The following SLC4A4 variants were observed in gnomAD, a reference collection of about 807,000 sequenced individuals.
The protein encoded by SLC4A4 is solute carrier family 4 member 4.
A neutral mutation model predicts 111.5 loss-of-function variants in SLC4A4; 27 were observed. The ratio of observed to expected loss-of-function variants is 0.24; its 90% CI spans 0.18 to 0.33. The LOEUF is 0.33. Among genes scored for constraint, SLC4A4 ranks in the 10% least tolerant of loss-of-function variants. The pLI is 1.00. For synonymous variants in SLC4A4, 443 were observed against 463.4 expected, an observed-to-expected ratio of 0.96 and a Z score of 0.57; for missense variants, 909 against 1,315.5, an observed-to-expected ratio of 0.69 and a Z score of 4.78.
intron 1 of SLC4A4, among the ~76,000 whole-genome samples, chr4:71,229,814 T>TG (rs1448376176): frequency 7.0e-6 from 1 of 143,386 alleles, no homozygotes; most frequent in Non-Finnish European, 1.5e-5. Context: ...CCTGCGAAGT[T>TG]TTTTTTTTTT....
intron 2 of SLC4A4, among the ~76,000 whole-genome samples, chr4:71,138,480 G>A (rs537004553): frequency 6.0e-4 from 92 of 152,286 alleles, no homozygotes; most frequent in South Asian, 1.2e-3. Flanking sequence ...AAGCCTTTCT[G>A]TCCTTCTTTT....
chr4:71,536,539 C>G (rs1359277681), intron 18 of SLC4A4, among the ~76,000 whole-genome samples: 3 of 142,392 alleles, frequency 2.1e-5, no homozygotes, highest in Non-Finnish European at 4.5e-5. Context: ...CTCTGTCACC[C>G]AGGCTGGAGT....
At position 71,556,623 on chromosome 4, in the gene SLC4A4, C is replaced by CTCTT. The variant is rs553695532; in HGVS notation, c.2764-1077_2764-1074dup. On this transcript the variant is annotated intron_variant, in intron 21 of 25. Transcript: ENST00000264485. The stretch of plus-strand genomic sequence containing the variant: ...AATGCTATTGCCCCTAATGGCTTTT[C>CTCTT]TCTTTCTTTCTTTCTCGATTCTCCC... Among the ~76,000 whole-genome samples the CTCTT allele has an allele frequency of 1.4e-3, 217 of 152,044 alleles. 6 individuals carry two copies. In the South Asian group the frequency reaches 0.044, roughly 30 times the overall value.
chr4:71,449,649 G>T (rs934355610), intron 9 of SLC4A4, among the ~76,000 whole-genome samples: 1 of 152,142 alleles, frequency 6.6e-6, no homozygotes, highest in Admixed American at 6.6e-5. Context: ...GAAGACTAAA[G>T]AATTTGACTT....
intron 18 of SLC4A4, among the ~76,000 whole-genome samples, chr4:71,541,375 T>G (rs555203152): frequency 2.4e-4 from 36 of 151,952 alleles, no homozygotes; most frequent in Non-Finnish European, 4.6e-4. Flanking sequence ...CTGGATGGTG[T>G]GAAGGAAGAA....
intron 16 of SLC4A4, among the ~76,000 whole-genome samples, chr4:71,520,333 A>G (rs909683556): frequency 4.7e-5 from 7 of 149,170 alleles, no homozygotes; most frequent in African/African-American, 1.8e-4. Context: ...AAACTACTTT[A>G]AAACACTTAG....
chr4:71,516,080 C>CTTT (rs60338885), intron 16 of SLC4A4, among the ~76,000 whole-genome samples: 4 of 30,612 alleles, frequency 1.3e-4, no homozygotes, highest in Admixed American at 6.1e-4. Context: ...TGGGGGATTT[C>CTTT]TTTTTTTTTT....
chr4:71,438,769 A>G (rs1331429082), intron 7 of SLC4A4, among the ~76,000 whole-genome samples: 2 of 152,194 alleles, frequency 1.3e-5, no homozygotes, highest in Admixed American at 6.5e-5. Flanking sequence ...AGTGAGGACT[A>G]TGAAAAACAA....
chr4:71,383,473 C>T (rs1008291655), intron 6 of SLC4A4, among the ~76,000 whole-genome samples: 14 of 152,260 alleles, frequency 9.2e-5, no homozygotes, highest in African/African-American at 3.4e-4. Flanking sequence ...GATTTCAACC[C>T]CCACCTCAGG....
At chr4:71,154,455 T>A (rs1338443778) in intron 2 of SLC4A4, among the ~76,000 whole-genome samples, 1 of 152,004 alleles carries the variant, frequency 6.6e-6, no homozygotes, top group Non-Finnish European at 1.5e-5. Flanking sequence ...CCATGATAAT[T>A]TTAGAGGAAG....
chr4:71,142,253 A>G (rs1744017143), intron 2 of SLC4A4, among the ~76,000 whole-genome samples: 2 of 152,244 alleles, frequency 1.3e-5, no homozygotes, highest in South Asian at 4.1e-4. Flanking sequence ...TTGCCTCATG[A>G]GTAGCCGCTT....
At chr4:71,163,314 T>G (rs1187632419) in intron 2 of SLC4A4, among the ~76,000 whole-genome samples, 1 of 152,182 alleles carries the variant, frequency 6.6e-6, no homozygotes, top group Non-Finnish European at 1.5e-5. Flanking sequence ...GTGCCCCAAA[T>G]CAGCCACATT....
At chr4:71,095,921 T>A (rs1742532635) in intron 2 of SLC4A4, among the ~76,000 whole-genome samples, 1 of 152,100 alleles carries the variant, frequency 6.6e-6, no homozygotes, top group African/African-American at 2.4e-5. Context: ...AAAATAAAGA[T>A]TCCAGATAGA....
chr4:71,116,639 A>G (rs1192637387), intron 2 of SLC4A4, among the ~76,000 whole-genome samples: 2 of 152,160 alleles, frequency 1.3e-5, no homozygotes, highest in Non-Finnish European at 2.9e-5. Context: ...AAGGTGTTTG[A>G]GTGTGTATTA....
intron 3 of SLC4A4, among the ~76,000 whole-genome samples, chr4:71,312,641 C>T (rs950105572): frequency 6.6e-6 from 1 of 152,126 alleles, no homozygotes; most frequent in Admixed American, 6.6e-5. Context: ...TGAATGTAAT[C>T]CATCACATAA....
chr4:71,534,949 G>T (rs1454205674), intron 18 of SLC4A4, among the ~76,000 whole-genome samples: 1 of 152,124 alleles, frequency 6.6e-6, no homozygotes, highest in East Asian at 1.9e-4. Context: ...TAAAGAAAAT[G>T]CCTTAGTGGT....
rs559221569 is a variant in SLC4A4 at position 71,276,072 on chromosome 4, G to A, written c.253+20673G>A. On this transcript the variant is annotated intron_variant, in intron 3 of 25. Coordinates refer to ENST00000264485, the MANE Select transcript of SLC4A4 (RefSeq NM_001098484.3). The stretch of plus-strand genomic sequence containing the variant: ...TGCAGATTGAGGACCCAAAGAAGGG[G>A]AGACAGTATGGCAGTCATTCTGGAG... Among the ~76,000 whole-genome samples the A allele has an allele frequency of 6.6e-5, 10 of 152,320 alleles. No individual in the cohort carries two copies. The South Asian group carries it at 2.1e-3, about 32-fold the overall frequency.
In SLC4A4 at chr4:71,410,080, A is replaced by T. The variant is rs574645688; in HGVS notation, c.807+12427A>T. Among the ~76,000 whole-genome samples, 8 of 152,262 alleles carry T rather than the reference A, an allele frequency of 5.3e-5. No individual in the cohort carries two copies. The South Asian group carries it at 1.7e-3, about 32-fold the overall frequency. ...TGGAAATGCCTGGATGCCCAGGCAAAAGTTTGCTGCAGGGGTGGGGCCCTT... is the reference window on the plus strand; with the variant it reads ...TGGAAATGCCTGGATGCCCAGGCAATAGTTTGCTGCAGGGGTGGGGCCCTT... On this transcript the variant is annotated intron_variant, in intron 7 of 25. Coordinates refer to ENST00000264485, the MANE Select transcript of SLC4A4 (RefSeq NM_001098484.3).
chr4:71,145,047 G>C (rs1189312797), intron 2 of SLC4A4, among the ~76,000 whole-genome samples: 5 of 151,980 alleles, frequency 3.3e-5, no homozygotes, highest in Non-Finnish European at 5.9e-5. Context: ...GGAATGCTTC[G>C]AGTTTTTGTC....
Sources: allele counts gnomAD v4.1 joint callset (sites outside exome capture counted in the v4.1 genomes callset), GRCh38; gene constraint gnomAD v4.1.1; transcripts MANE v1.5; gene names NCBI Gene and HGNC (gene_info 2026-07-23, HGNC 2026-07-21).